The following CCR3 variants were observed in gnomAD, a reference collection of about 807,000 sequenced individuals.
CCR3 encodes the protein C-C chemokine receptor type 3.
For missense variants in CCR3, 419 were observed against 437.5 expected (o/e 0.96, Z 0.38); for synonymous variants, 203 against 179.2 (o/e 1.13, Z -1.06).
At chr3:46,223,717 C>T (rs1290005878) in intron 2 of CCR3, among the ~76,000 whole-genome samples, 1 of 152,166 alleles carries the variant, frequency 6.6e-6, no homozygotes, top group African/African-American at 2.4e-5. Context: ...AATCTGTTTT[C>T]CCTTTCAGCC....
chr3:46,212,185 G>T lies in CCR3; in HGVS notation c.-68+1278G>T, dbSNP rs528889557. 5.3e-5 allele frequency among the ~76,000 whole-genome samples: 8 copies of T among 152,292 alleles called. No homozygotes were observed. In the South Asian group the frequency reaches 6.2e-4, roughly 12 times the overall value. On this transcript the variant is annotated intron_variant, in intron 2 of 3. Transcript: ENST00000357422. ...GGGGCAGGGCCCAGGCACCTCAACT[G>T]CATGGACCCTGGTGGTCACTGATGC...
intron 1 of CCR3, among the ~76,000 whole-genome samples, chr3:46,254,937 C>A (rs1339863364): frequency 6.6e-6 from 1 of 152,132 alleles, no homozygotes; most frequent in Non-Finnish European, 1.5e-5. Context: ...ATTGATGGAT[C>A]AAATGATAGA....
chr3:46,242,543 G>A lies in CCR3; in HGVS notation c.-12+5G>A, dbSNP rs1700101293. 6.6e-6 allele frequency: 1 copy of A among 152,000 alleles called. No homozygotes were observed. The highest frequency in any genetic ancestry group is 1.5e-5 in the Non-Finnish European group (1 of 68,018). The allele number at this position is 152,000 out of a possible 1,614,324, so 9.4% of individuals were successfully genotyped here. On this transcript the variant is annotated splice_donor_5th_base_variant and intron_variant, in intron 1 of 1. Coordinates refer to ENST00000395940, the MANE Select transcript of CCR3 (RefSeq NM_178329.3). Reference sequence around the variant, plus strand: ...TTACTTAGAAGAGATTTTCAGGTAGGTGTCGCTTTTCCAGGAAAAGGGAGG... The same window carrying A: ...TTACTTAGAAGAGATTTTCAGGTAGATGTCGCTTTTCCAGGAAAAGGGAGG...
At chr3:46,242,952 CATATATATGTGTATAT>C (rs1700110242) in intron 1 of CCR3, among the ~76,000 whole-genome samples, 1 of 77,024 alleles carries the variant, frequency 1.3e-5, no homozygotes, top group African/African-American at 7.1e-5. Context: ...TATAATTTTA[CATATATATGTGTATAT>C]ATATATATAT....
At chr3:46,253,961 T>A (rs1009023066) in intron 1 of CCR3, among the ~76,000 whole-genome samples, 1 of 151,820 alleles carries the variant, frequency 6.6e-6, no homozygotes, top group South Asian at 2.1e-4. Flanking sequence ...TACTCTGATT[T>A]ATGTACCAAA....
intron 1 of CCR3, among the ~76,000 whole-genome samples, chr3:46,253,919 G>A (rs1240616642): frequency 2.0e-5 from 3 of 151,796 alleles, no homozygotes; most frequent in African/African-American, 7.3e-5. Flanking sequence ...AAGATGTAAG[G>A]TTTAAAAAGG....
intron 1 of CCR3, among the ~76,000 whole-genome samples, chr3:46,254,576 A>G (rs184986057): frequency 5.1e-4 from 77 of 152,180 alleles, no homozygotes; most frequent in Admixed American, 4.4e-3. Flanking sequence ...ATTTTGGTGC[A>G]CCCATCACCT....
intron 1 of CCR3, among the ~76,000 whole-genome samples, chr3:46,257,381 T>C (rs111423873): frequency 2.5e-4 from 38 of 152,008 alleles, no homozygotes; most frequent in African/African-American, 8.2e-4. Flanking sequence ...TTAACATTGT[T>C]ATCTTTCACC....
At chr3:46,257,427 C>CTTTT (rs34426861) in intron 1 of CCR3, among the ~76,000 whole-genome samples, 16 of 103,934 alleles carry the variant, frequency 1.5e-4, no homozygotes, top group East Asian at 8.5e-4. Context: ...TTGTCCCAGG[C>CTTTT]TTTTTTTTTT....
At chr3:46,243,000 T>TAC (rs1220210620) in intron 1 of CCR3, among the ~76,000 whole-genome samples, 15 of 106,776 alleles carry the variant, frequency 1.4e-4, no homozygotes, top group African/African-American at 6.7e-4. Context: ...TATATATATA[T>TAC]ATACGCACAC....
upstream of CCR3, among the ~76,000 whole-genome samples, chr3:46,241,762 C>A (rs1278512964): frequency 6.6e-6 from 1 of 152,146 alleles, no homozygotes; most frequent in South Asian, 2.1e-4. Flanking sequence ...TTGCCCCATC[C>A]AAGTGTCTAC....
chr3:46,252,118 A>G (rs1700324923), intron 1 of CCR3, among the ~76,000 whole-genome samples: 2 of 151,092 alleles, frequency 1.3e-5, no homozygotes, highest in Admixed American at 6.6e-5. Flanking sequence ...CAGTTTCTCA[A>G]TTGCAGTAGC....
chr3:46,244,530 C>T lies in CCR3; in HGVS notation c.-12+1992C>T, dbSNP rs1163449441. ...GATTTGGGTAGATAAAGGAAAATTA[C>T]AGTCAAAGGGGACTTGTTCTCTGGC... On this transcript the variant is annotated intron_variant, in intron 1 of 1. Transcript: ENST00000395940. 2.6e-5 allele frequency among the ~76,000 whole-genome samples: 4 copies of T among 152,068 alleles called. No homozygotes were observed. The East Asian group carries it at 7.7e-4, about 29-fold the overall frequency.
Position 46,265,267 on chromosome 3 carries a change from G to C in CCR3, c.109G>C (p.Val37Leu). ...ADTRALMAQF[V>L]PPLYSLVFTV... ...TACCAGAGCACTGATGGCCCAGTTT[G>C]TGCCCCCGCTGTACTCCCTGGTGTT... Residue 37 changes from valine (V) to leucine (L), a missense_variant, in exon 2 of 2, where the codon GTG becomes CTG. Val to Leu is a conservative substitution (Grantham distance 32). Transcript: ENST00000395940. The C allele has an allele frequency of 6.2e-7, 1 of 1,614,090 alleles. No individual in the cohort carries two copies. The highest frequency in any genetic ancestry group is 8.5e-7 in the Non-Finnish European group (1 of 1,180,000).
chr3:46,253,978 GACA>G (rs1424940181), intron 1 of CCR3, among the ~76,000 whole-genome samples: 1 of 151,730 alleles, frequency 6.6e-6, no homozygotes, highest in Non-Finnish European at 1.5e-5. Context: ...CAAAGAATGA[GACA>G]GTTCTACAAG....
intron 1 of CCR3, among the ~76,000 whole-genome samples, chr3:46,251,542 A>G (rs1251762462): frequency 6.6e-6 from 1 of 152,102 alleles, no homozygotes; most frequent in Non-Finnish European, 1.5e-5. Flanking sequence ...CACGGAGCAA[A>G]GAACAGGAGG....
chr3:46,238,809 A>G (rs1700047755), upstream of CCR3, among the ~76,000 whole-genome samples: 1 of 152,120 alleles, frequency 6.6e-6, no homozygotes, highest in Non-Finnish European at 1.5e-5. Flanking sequence ...TGAATCTCAA[A>G]CTCATTATGC....
intron 2 of CCR3, among the ~76,000 whole-genome samples, chr3:46,211,942 G>A (rs1027855786): frequency 1.1e-4 from 17 of 152,140 alleles, no homozygotes; most frequent in Admixed American, 2.0e-4. Flanking sequence ...CCTTGAGTTT[G>A]TCTAGGTCTC....
At chr3:46,212,060 C>T (rs2125921957) in intron 2 of CCR3, among the ~76,000 whole-genome samples, 1 of 152,292 alleles carries the variant, frequency 6.6e-6, no homozygotes, top group Middle Eastern at 3.4e-3. Context: ...CTGCACACAT[C>T]ATCCATGGCA....
Sources: allele counts gnomAD v4.1 joint callset (sites outside exome capture counted in the v4.1 genomes callset), GRCh38; gene constraint gnomAD v4.1.1; transcripts MANE v1.5; gene names NCBI Gene and HGNC (gene_info 2026-07-23, HGNC 2026-07-21).